Variants in PSTK observed in about 807,000 individuals in gnomAD.
PSTK encodes the protein L-seryl-tRNA(Sec) kinase.
Under a neutral mutation model 38.6 loss-of-function variants are expected in PSTK, and 26 were observed. The ratio of observed to expected loss-of-function variants is 0.67; its 90% CI spans 0.49 to 0.94. The LOEUF is 0.94. Ranked by LOEUF, PSTK falls within the 40% of genes least tolerant of loss-of-function variation. The pLI, the probability that PSTK is intolerant of heterozygous loss-of-function variation, is 0.00. For synonymous variants in PSTK, 181 were observed against 161.7 expected, an observed-to-expected ratio of 1.12 and a Z score of -0.91; for missense variants, 445 against 436.3, an observed-to-expected ratio of 1.02 and a Z score of -0.18.
At chr10:122,988,537 T>C (rs1400489004) in intron 5 of PSTK, among the ~76,000 whole-genome samples, 5 of 152,142 alleles carry the variant, frequency 3.3e-5, no homozygotes, top group Admixed American at 3.3e-4. Flanking sequence ...TGCAGACATA[T>C]ATCTCATAAG....
Position 122,990,155 on chromosome 10 carries a change from G to T in PSTK, c.878-19G>T, listed in dbSNP as rs1284412583. ...ACTTTAATTTACACCAGTAATTTGA[G>T]AATATCTTTTTATTTTAGATGAACA... On this transcript the variant is annotated intron_variant, in intron 5 of 5. Transcript: ENST00000406217. The T allele has an allele frequency of 1.3e-6, 2 of 1,489,184 alleles. No individual in the cohort carries two copies. The highest frequency in any genetic ancestry group is 2.7e-5 in the South Asian group (2 of 75,230). The allele number at this position is 1,489,184 out of a possible 1,614,324, so 92.2% of individuals were successfully genotyped here. A position where few individuals can be genotyped will look rare whatever the true frequency, so the allele number is the denominator to read the frequency against.
At position 122,980,987 on chromosome 10, in the gene PSTK, C is replaced by A. The variant is rs1300671735; in HGVS notation, c.216+292C>A. Among the ~76,000 whole-genome samples the A allele has an allele frequency of 6.6e-6, 1 of 152,216 alleles. No homozygotes were observed. Among genetic ancestry groups the A allele is most frequent in the Non-Finnish European group, 1.5e-5 (1 of 68,044 alleles). ...TGTATATTCTATACAGTTGAGTCTTCAGACAGGGTCAGGTTCTCAAGTCAG... is the reference window on the plus strand; with the variant it reads ...TGTATATTCTATACAGTTGAGTCTTAAGACAGGGTCAGGTTCTCAAGTCAG... On this transcript the variant is annotated intron_variant, in intron 1 of 5. Transcript: ENST00000406217. The surrounding 1 kb of genome is among the most constrained non-coding windows in gnomAD (Gnocchi z 4.3).
Position 122,986,926 on chromosome 10 carries a change from C to A in PSTK, c.841C>A (p.Arg281=). ...TCTTCATAAAACTGATCAGACACTC[C>A]GAAGGATTGTATCTCAGACAATGAA... The part of the protein sequence containing the change: ...NILHKTDQTL[R]RIVSQTMKEA... Residue 281 remains arginine (R), a synonymous_variant, in exon 5 of 6, where the codon CGA becomes AGA. Transcript: ENST00000406217. 1 of 1,612,516 alleles carries A rather than the reference C, an allele frequency of 6.2e-7. No individual in the cohort carries two copies.
At chr10:122,983,088 T>C in intron 2 of PSTK, 64 bp downstream of exon 2, 1 of 1,421,736 alleles carries the variant, frequency 7.0e-7, no homozygotes, top group South Asian at 1.3e-5. Flanking sequence ...AACACTATTG[T>C]CTTCAATGAG....
intron 3 of PSTK, chr10:122,985,422 G>C (rs565612549): frequency 6.6e-6 from 1 of 152,202 alleles, no homozygotes; most frequent in Non-Finnish European, 1.5e-5. Flanking sequence ...CTGTTTATCT[G>C]TCTCTATTAC....
At chr10:122,987,283 A>C (rs1325939034) in intron 5 of PSTK, 2 of 1,565,758 alleles carry the variant, frequency 1.3e-6, no homozygotes, top group Non-Finnish European at 1.7e-6. Context: ...TCTGAAGAAA[A>C]TTTAAGTAAG....
In PSTK at chr10:122,982,888, AT is replaced by A; in HGVS notation, c.376del (p.Ser126LeufsTer12). 1 of 1,614,188 alleles carries A rather than the reference AT, an allele frequency of 6.2e-7. No homozygotes were observed. Among genetic ancestry groups the A allele is most frequent in the South Asian group, 1.1e-5 (1 of 91,080 alleles). ...ITCLKDQDLI[F>X]SAAFEAQSCY... ...CCTGCTTAAAGGATCAAGATCTGATATTTTCTGCAGCATTTGAGGCCCAGTC... is the reference window on the plus strand; with the variant it reads ...CCTGCTTAAAGGATCAAGATCTGATATTTCTGCAGCATTTGAGGCCCAGTC... On this transcript the variant is annotated frameshift_variant, in exon 2 of 6. Transcript: ENST00000406217. LOFTEE classifies it high-confidence loss of function.
chr10:122,983,502 T>C (rs1330682552), intron 3 of PSTK, 32 bp downstream of exon 3: 2 of 1,589,426 alleles, frequency 1.3e-6, no homozygotes, highest in Non-Finnish European at 1.7e-6. Flanking sequence ...CCCTGGATGC[T>C]CCCCTGTGCC....
chr10:122,987,198 T>C lies in PSTK; in HGVS notation c.877+236T>C, dbSNP rs113755587. 3,159 of 1,266,442 alleles carry C rather than the reference T, an allele frequency of 2.5e-3. 6 individuals carry two copies. Among genetic ancestry groups the C allele is most frequent in the Non-Finnish European group, 2.9e-3 (2,696 of 916,930 alleles). The allele number at this position is 1,266,442 out of a possible 1,614,324, so 78.5% of individuals were successfully genotyped here. A position where few individuals can be genotyped will look rare whatever the true frequency, so the allele number is the denominator to read the frequency against. ...CTGTACTAGGCCTTACTCTAGATGC[T>C]GGGGAATCGGCAGGGAGCAGAACAT... On this transcript the variant is annotated intron_variant, in intron 5 of 5. Transcript: ENST00000406217.
chr10:122,987,066 A>C, intron 5 of PSTK, 104 bp downstream of exon 5: 1 of 912,232 alleles, frequency 1.1e-6, no homozygotes, highest in Non-Finnish European at 1.7e-6. Context: ...ATAAAAGTTC[A>C]CATCATGTTT....
intron 1 of PSTK, chr10:122,982,094 T>C (rs1290820647): frequency 6.6e-6 from 1 of 152,296 alleles, no homozygotes; most frequent in African/African-American, 2.4e-5. Context: ...TCAAGCTGTT[T>C]ATTCCCCTCA....
At chr10:122,986,396 T>A in intron 4 of PSTK, 21 bp downstream of exon 4, 2 of 1,531,046 alleles carry the variant, frequency 1.3e-6, no homozygotes, top group Non-Finnish European at 1.8e-6. Context: ...AGTGTAAATT[T>A]AATGTAAATG....
At chr10:122,981,622 A>T (rs1368733127) in intron 1 of PSTK, among the ~76,000 whole-genome samples, 1 of 152,264 alleles carries the variant, frequency 6.6e-6, no homozygotes, top group Non-Finnish European at 1.5e-5. Context: ...CTTTCTAAGT[A>T]TATATACAAA....
intron 5 of PSTK, chr10:122,987,213 G>GAGC (rs2133359894): frequency 7.3e-7 from 1 of 1,361,946 alleles, no homozygotes; most frequent in South Asian, 1.4e-5. Context: ...AATCGGCAGG[G>GAGC]AGCAGAACAT....
Position 122,986,930 on chromosome 10 carries a change from G to A in PSTK, c.845G>A (p.Arg282Lys), listed in dbSNP as rs1849042080. ...ILHKTDQTLR[R>K]IVSQTMKEAK... is the part of the protein sequence containing the mutation. ...CATAAAACTGATCAGACACTCCGAA[G>A]GATTGTATCTCAGACAATGAAGGAA... The change falls in exon 5 of 6, where the codon AGG becomes AAG. Residue 282 changes from arginine to lysine, a missense_variant. By Grantham distance (26) the Arg-to-Lys change is conservative (BLOSUM62 2). Transcript: ENST00000406217. The A allele has an allele frequency of 6.2e-7, 1 of 1,612,726 alleles. No individual in the cohort carries two copies. The highest frequency in any genetic ancestry group is 1.7e-5 in the Admixed American group (1 of 59,986).
intron 5 of PSTK, among the ~76,000 whole-genome samples, chr10:122,987,893 T>C (rs938893775): frequency 6.6e-6 from 1 of 152,212 alleles, no homozygotes; most frequent in Non-Finnish European, 1.5e-5. Flanking sequence ...AGTTCCAGTC[T>C]GTGCTTCCCA....
rs148686268 is a variant in PSTK at position 122,987,511 on chromosome 10, AG to A, written c.877+555del. 3.7e-6 allele frequency: 6 copies of A among 1,612,866 alleles called. No individual in the cohort carries two copies. The South Asian group carries it at 4.4e-5, about 12-fold the overall frequency. On this transcript the variant is annotated intron_variant, in intron 5 of 5. Coordinates refer to ENST00000406217, the MANE Select transcript of PSTK (RefSeq NM_001363531.2). ...CCATTGAGCACGGGGTGAGGTAAGA[AG>A]GGGGGAAAGGTAGTCAGGGGCCAGG...
chr10:122,989,130 G>C (rs1342313895), intron 5 of PSTK, among the ~76,000 whole-genome samples: 1 of 131,210 alleles, frequency 7.6e-6, no homozygotes, highest in Non-Finnish European at 1.5e-5. Flanking sequence ...GAAATGTCCT[G>C]AACAGGGAAA....
intron 5 of PSTK, 126 bp downstream of exon 5, chr10:122,987,088 A>G (rs2133359771): frequency 2.3e-6 from 2 of 876,722 alleles, no homozygotes; most frequent in Non-Finnish European, 3.6e-6. Flanking sequence ...CAATTTAATT[A>G]TGCAATTTGA....
Sources: gnomAD v4.1 joint callset for allele counts (sites outside exome capture counted in the v4.1 genomes callset) on GRCh38, gnomAD v4.1.1 for gene constraint, Gnocchi (gnomAD v3.1) non-coding constraint, MANE v1.5 for transcripts, NCBI Gene and HGNC (gene_info 2026-07-23, HGNC 2026-07-21) for gene names.